Variants in TC2N observed in about 807,000 individuals in gnomAD.
The protein encoded by TC2N is tandem C2 domains, nuclear.
In TC2N, 51 loss-of-function variants were observed where a neutral mutation model predicts 61.9. The observed-to-expected ratio is 0.82, with a 90% CI of 0.66 to 1.04. The LOEUF (loss-of-function observed/expected upper bound fraction) is 1.04. TC2N is among the 50% of genes least tolerant of loss of function. The probability of loss-of-function intolerance (pLI) is 0.00; values close to 1 mark genes in which losing one functional copy is unlikely to be tolerated. For synonymous variants in TC2N, 204 were observed against 192.6 expected, an observed-to-expected ratio of 1.06 and a Z score of -0.49; for missense variants, 556 against 566.7, an observed-to-expected ratio of 0.98 and a Z score of 0.19.
chr14:91,831,147 C>G lies in TC2N; in HGVS notation c.-56-17322G>C, dbSNP rs193068861. Among the ~76,000 whole-genome samples, 1,169 of 152,236 alleles carry G rather than the reference C, an allele frequency of 7.7e-3. 18 individuals are homozygous for G. Among genetic ancestry groups the G allele is most frequent in the African/African-American group, 0.026 (1,092 of 41,536 alleles). ...TAGATTTTGGCATGTTAATTCCTAT[C>G]TTTTGAATTGTTTTTTTAAATACAG... On this transcript the variant is annotated intron_variant, in intron 1 of 11. Transcript: ENST00000435962.
intron 1 of TC2N, among the ~76,000 whole-genome samples, chr14:91,844,021 T>G (rs907339941): frequency 1.3e-5 from 2 of 151,126 alleles, no homozygotes; most frequent in African/African-American, 4.9e-5. Context: ...CATTTCCTAC[T>G]TGACGTGGGT....
intron 1 of TC2N, among the ~76,000 whole-genome samples, chr14:91,854,086 C>T (rs905101299): frequency 1.3e-5 from 2 of 152,082 alleles, no homozygotes; most frequent in African/African-American, 4.8e-5. Context: ...AACCAAACTT[C>T]AGCTCTAGCT....
At chr14:91,853,819 A>G (rs1243534208) in intron 1 of TC2N, among the ~76,000 whole-genome samples, 1 of 152,080 alleles carries the variant, frequency 6.6e-6, no homozygotes, top group East Asian at 1.9e-4. Context: ...ACAAGAGGCC[A>G]TGAACTCTTA....
chr14:91,858,074 T>C (rs938563507), intron 1 of TC2N, among the ~76,000 whole-genome samples: 5 of 151,756 alleles, frequency 3.3e-5, no homozygotes, highest in African/African-American at 1.2e-4. Context: ...TAAGTGATCC[T>C]CTCACTTCAA....
Position 91,791,362 on chromosome 14 carries a change from C to T in TC2N, c.1047+1005G>A, listed in dbSNP as rs548581026. Among the ~76,000 whole-genome samples the T allele has an allele frequency of 8.5e-5, 13 of 152,108 alleles. No homozygotes were observed. The East Asian group carries it at 1.9e-3, about 23-fold the overall frequency. ...CAGAGTTAAGAAGCACTTCCAGTCA[C>T]CTTAAATATTTTTGGAAACAGGTAA... is the stretch of plus-strand genomic sequence containing the variant. On this transcript the variant is annotated intron_variant, in intron 9 of 11. Transcript: ENST00000435962.
In TC2N at chr14:91,861,515, G is replaced by C. The variant is rs190759102; in HGVS notation, c.-57+5747C>G. Among the ~76,000 whole-genome samples, 88 of 152,358 alleles carry C rather than the reference G, an allele frequency of 5.8e-4. 1 individual carries two copies. The East Asian group carries it at 0.015, about 25-fold the overall frequency. On this transcript the variant is annotated intron_variant, in intron 1 of 11. Coordinates refer to ENST00000435962, the MANE Select transcript of TC2N (RefSeq NM_001128596.3). ...CCTTCCAACTTTGGGATGGAGAACA[G>C]ACGGAGGGGAAGGTGGGCCAGTGCA...
chr14:91,785,733 A>G (rs1373603727), intron 10 of TC2N, among the ~76,000 whole-genome samples: 1 of 152,132 alleles, frequency 6.6e-6, no homozygotes. Flanking sequence ...TTATATAGGT[A>G]AAATATAAAA....
chr14:91,798,006 A>G (rs766106360), intron 7 of TC2N, 105 bp from the exon 8 acceptor site: 11 of 749,862 alleles, frequency 1.5e-5, no homozygotes, highest in Non-Finnish European at 2.4e-5. Context: ...TGCAAAAAAT[A>G]AACTTGTCTA....
chr14:91,804,631 A>C (rs1316850325), intron 3 of TC2N, among the ~76,000 whole-genome samples: 2 of 152,206 alleles, frequency 1.3e-5, no homozygotes, highest in Non-Finnish European at 2.9e-5. Context: ...AAAAAACATA[A>C]TGTTGAATGA....
chr14:91,845,281 A>T (rs1311492001), intron 1 of TC2N, among the ~76,000 whole-genome samples: 2 of 151,222 alleles, frequency 1.3e-5, no homozygotes, highest in African/African-American at 4.9e-5. Flanking sequence ...ATATGTTTAT[A>T]CGTCTAGTCT....
Position 91,783,000 on chromosome 14 carries a change from G to T in TC2N, c.*100C>A. 1.4e-6 allele frequency: 1 copy of T among 722,192 alleles called. No individual in the cohort carries two copies. Among genetic ancestry groups the T allele is most frequent in the South Asian group, 1.8e-5 (1 of 54,640 alleles). 44.7% of individuals were successfully genotyped at this position (722,192 alleles called of 1,614,324 possible). ...ACCATAATTATAGCCCCCATAAATT[G>T]ACAAATTTGTTGATTTGCCTCTTCT... On this transcript the variant is annotated 3_prime_UTR_variant, in exon 12 of 12. Transcript: ENST00000435962.
At chr14:91,828,914 A>G (rs1454036763) in intron 1 of TC2N, among the ~76,000 whole-genome samples, 1 of 151,976 alleles carries the variant, frequency 6.6e-6, no homozygotes, top group Non-Finnish European at 1.5e-5. Context: ...TATTACTCTC[A>G]TTCTTAAAGA....
rs554138345 is a variant in TC2N, at chr14:91,780,250, A to G, written c.*2850T>C. ...TTACAAATTTCTGAAATCCTTCATA[A>G]GCAAGTATTTGATTAAACAAAAATG... On this transcript the variant is annotated 3_prime_UTR_variant, in exon 12 of 12. Transcript: ENST00000435962. 69 of 152,344 alleles carry G rather than the reference A, an allele frequency of 4.5e-4. No individual in the cohort carries two copies. The highest frequency in any genetic ancestry group is 1.6e-3 in the African/African-American group (67 of 41,580). The allele number at this position is 152,344 out of a possible 1,614,324, so 9.4% of individuals were successfully genotyped here. A position where few individuals can be genotyped will look rare whatever the true frequency, so the allele number is the denominator to read the frequency against.
intron 9 of TC2N, among the ~76,000 whole-genome samples, chr14:91,789,568 A>C (rs1404266933): frequency 6.6e-6 from 1 of 151,286 alleles, no homozygotes; most frequent in African/African-American, 2.4e-5. Context: ...CCGAGATTGC[A>C]CCACTGCACT....
intron 1 of TC2N, among the ~76,000 whole-genome samples, chr14:91,849,799 G>A (rs1002713214): frequency 6.6e-6 from 1 of 152,200 alleles, no homozygotes; most frequent in Admixed American, 6.5e-5. Flanking sequence ...TGTAATCCCA[G>A]CACTTTGGGA....
chr14:91,832,802 AAAAAAAT>A (rs1182125171), intron 1 of TC2N, among the ~76,000 whole-genome samples: 1 of 152,108 alleles, frequency 6.6e-6, no homozygotes, highest in African/African-American at 2.4e-5. Flanking sequence ...ATTTAAAAGC[AAAAAAAT>A]AAAAAAAAAG....
At chr14:91,797,480 T>C (rs1885953630) in intron 8 of TC2N, among the ~76,000 whole-genome samples, 1 of 151,640 alleles carries the variant, frequency 6.6e-6, no homozygotes. Context: ...CCAAAGTGGG[T>C]TGGGGGAAAG....
rs147179662 is a variant in TC2N at position 91,812,066 on chromosome 14, G to A, written c.301+246C>T. On this transcript the variant is annotated intron_variant, in intron 3 of 11. Transcript: ENST00000435962. Reference sequence around the variant, plus strand: ...CACAGATGTGGAACCCAAAGATATGGAGGGCCAATTACATATTATTTCTTG... The same window carrying A: ...CACAGATGTGGAACCCAAAGATATGAAGGGCCAATTACATATTATTTCTTG... The A allele has an allele frequency of 1.8e-3, 374 of 208,834 alleles. 1 individual carries two copies. The highest frequency in any genetic ancestry group is 2.8e-3 in the Non-Finnish European group (294 of 106,584). 12.9% of individuals were successfully genotyped at this position (208,834 alleles called of 1,614,324 possible).
intron 1 of TC2N, among the ~76,000 whole-genome samples, chr14:91,863,639 G>A (rs1211589661): frequency 1.3e-5 from 2 of 152,032 alleles, no homozygotes; most frequent in Admixed American, 1.3e-4. Flanking sequence ...AAAGAATGTG[G>A]GGTCTGGCCT....
Sources: gnomAD v4.1 joint callset for allele counts (sites outside exome capture counted in the v4.1 genomes callset) on GRCh38, gnomAD v4.1.1 for gene constraint, MANE v1.5 for transcripts, NCBI Gene and HGNC (gene_info 2026-07-23, HGNC 2026-07-21) for gene names.